Variants in SPATS2L observed in about 807,000 individuals in gnomAD.
SPATS2L encodes spermatogenesis associated serine rich 2 like.
A neutral mutation model predicts 59.6 loss-of-function variants in SPATS2L; 30 were observed. The ratio of observed to expected loss-of-function variants is 0.50; its 90% CI spans 0.38 to 0.68. The LOEUF (loss-of-function observed/expected upper bound fraction) is 0.68, where lower values mean the gene tolerates loss of function less well. SPATS2L is among the 30% of genes least tolerant of loss of function. The pLI is 0.00. For synonymous variants in SPATS2L, 252 were observed against 263.5 expected (o/e 0.96, Z 0.42); for missense variants, 615 against 700.0 (o/e 0.88, Z 1.37).
intron 2 of SPATS2L, among the ~76,000 whole-genome samples, chr2:200,352,313 TTATATATATATATATATATATATA>T (rs869105613): frequency 3.5e-4 from 3 of 8,652 alleles, no homozygotes; most frequent in African/African-American, 4.7e-4. Flanking sequence ...CCAGCAGTTT[TTATATATATATATATATATATATA>T]TATATATATA....
intron 2 of SPATS2L, among the ~76,000 whole-genome samples, chr2:200,367,770 T>C (rs920148377): frequency 6.6e-6 from 1 of 152,220 alleles, no homozygotes; most frequent in Non-Finnish European, 1.5e-5. Context: ...TAAAAGTTAT[T>C]GATCATGTTG....
chr2:200,315,482 C>CT (rs2079340047), intron 1 of SPATS2L, among the ~76,000 whole-genome samples: 2 of 152,244 alleles, frequency 1.3e-5, no homozygotes, highest in South Asian at 2.1e-4. Context: ...AGCTGAAACC[C>CT]TGAGAGCCAG....
chr2:200,314,591 T>C (rs764174233), intron 1 of SPATS2L, among the ~76,000 whole-genome samples: 9 of 152,218 alleles, frequency 5.9e-5, no homozygotes, highest in Non-Finnish European at 1.0e-4. Context: ...TTCTTTGTGA[T>C]CTGGGCCTTC....
chr2:200,461,545 T>G (rs539532300), intron 9 of SPATS2L, among the ~76,000 whole-genome samples: 1 of 152,308 alleles, frequency 6.6e-6, no homozygotes, highest in African/African-American at 2.4e-5. Context: ...GAATTTAGTT[T>G]GCTGTGTTAA....
At chr2:200,454,373 G>C (rs2085687306) in intron 8 of SPATS2L, among the ~76,000 whole-genome samples, 1 of 152,090 alleles carries the variant, frequency 6.6e-6, no homozygotes, top group Admixed American at 6.5e-5. Context: ...ACTCACCCAA[G>C]CTTCCAAATG....
chr2:200,452,368 A>G (rs2085519360), intron 8 of SPATS2L, among the ~76,000 whole-genome samples: 1 of 152,234 alleles, frequency 6.6e-6, no homozygotes, highest in East Asian at 1.9e-4. Context: ...AATTCCAATA[A>G]GAAAAAGAAA....
chr2:200,419,482 T>G lies in SPATS2L; in HGVS notation c.431T>G (p.Leu144Arg). The change falls in exon 6 of 13, where the codon CTT becomes CGT. Residue 144 changes from leucine to arginine, a missense_variant. This residue lies in a region of SPATS2L where 227 missense variants were observed against 257.4 expected (regional missense o/e 0.88). Transcript: ENST00000409140. ...ATACTTGAGGAACCTTCAAAGGCAC[T>G]TCGTGGGGTCACAGGTCAGTAATGC... ...ISILEEPSKA[L>R]RGVTEGNRLL... 3 of 1,613,898 alleles carry G rather than the reference T, an allele frequency of 1.9e-6. No homozygotes were observed. Among genetic ancestry groups the G allele is most frequent in the Non-Finnish European group, 2.5e-6 (3 of 1,179,840 alleles).
chr2:200,334,540 G>T (rs2080072243), intron 2 of SPATS2L, among the ~76,000 whole-genome samples: 2 of 151,584 alleles, frequency 1.3e-5, no homozygotes, highest in Non-Finnish European at 2.9e-5. Context: ...GTCAATTTTG[G>T]CTTTTGTTGC....
chr2:200,478,037 G>A lies in SPATS2L; in HGVS notation c.*6G>A. The A allele has an allele frequency of 6.5e-7, 1 of 1,531,108 alleles. No individual in the cohort carries two copies. The highest frequency in any genetic ancestry group is 8.8e-7 in the Non-Finnish European group (1 of 1,141,136). The allele number at this position is 1,531,108 out of a possible 1,614,324, so 94.8% of individuals were successfully genotyped here. A position where few individuals can be genotyped will look rare whatever the true frequency, so the allele number is the denominator to read the frequency against. On this transcript the variant is annotated 3_prime_UTR_variant, in exon 13 of 13. Transcript: ENST00000409140. ...CTGTGACGTTGGTGGCCTGAGCTAG[G>A]AGGAAAAAGAGCAGTTTTCACTCAG...
intron 9 of SPATS2L, 65 bp from the exon 10 acceptor site, chr2:200,467,225 G>T: frequency 8.8e-7 from 1 of 1,130,166 alleles, no homozygotes; most frequent in Non-Finnish European, 1.3e-6. Context: ...CTGATTCCAA[G>T]AAATTAGGTT....
At chr2:200,328,663 G>A (rs1440599394) in intron 1 of SPATS2L, among the ~76,000 whole-genome samples, 1 of 152,158 alleles carries the variant, frequency 6.6e-6, no homozygotes, top group African/African-American at 2.4e-5. Flanking sequence ...GGACCAGTTA[G>A]CGGAGCATTT....
chr2:200,424,041 C>T (rs762065385), intron 6 of SPATS2L, among the ~76,000 whole-genome samples: 4 of 152,080 alleles, frequency 2.6e-5, no homozygotes, highest in African/African-American at 4.8e-5. Context: ...GTCAGCAGAT[C>T]GTTTAGAAGT....
intron 11 of SPATS2L, 49 bp downstream of exon 11, chr2:200,470,065 C>G: frequency 3.4e-6 from 5 of 1,465,404 alleles, no homozygotes; most frequent in Non-Finnish European, 4.7e-6. Flanking sequence ...AACCTTGGTG[C>G]TATTTGGAGT....
chr2:200,317,664 G>C (rs1365572357), intron 1 of SPATS2L, among the ~76,000 whole-genome samples: 1 of 152,156 alleles, frequency 6.6e-6, no homozygotes, highest in Non-Finnish European at 1.5e-5. Context: ...ATATTCATCT[G>C]AGATTATAGG....
chr2:200,429,630 C>A (rs996072515), intron 6 of SPATS2L, among the ~76,000 whole-genome samples: 1 of 152,156 alleles, frequency 6.6e-6, no homozygotes, highest in African/African-American at 2.4e-5. Flanking sequence ...TGAATGGCTG[C>A]TGGGTTCCTG....
At chr2:200,370,551 T>G (rs1219501534) in intron 2 of SPATS2L, among the ~76,000 whole-genome samples, 1 of 152,226 alleles carries the variant, frequency 6.6e-6, no homozygotes, top group African/African-American at 2.4e-5. Flanking sequence ...TCTTTATCAG[T>G]GACATGAATG....
rs574469731 is a variant in SPATS2L at position 200,357,059 on chromosome 2, A to G, written c.-23+27579A>G. On this transcript the variant is annotated intron_variant, in intron 2 of 12. Transcript: ENST00000409140. ...GATACATTCAAACCATAGCAATGGA[A>G]TTGTTACTTTCAAGGATCTAGATAA... Among the ~76,000 whole-genome samples, 3 of 152,342 alleles carry G rather than the reference A, an allele frequency of 2.0e-5. No homozygotes were observed. The South Asian group carries it at 6.2e-4, about 32-fold the overall frequency.
chr2:200,400,981 C>T (rs1045787928), intron 3 of SPATS2L, among the ~76,000 whole-genome samples: 1 of 152,162 alleles, frequency 6.6e-6, no homozygotes, highest in African/African-American at 2.4e-5. Flanking sequence ...GCCTGCCTCT[C>T]CCCTTAAAAC....
chr2:200,464,266 T>G (rs1260940998), intron 9 of SPATS2L, among the ~76,000 whole-genome samples: 1 of 152,230 alleles, frequency 6.6e-6, no homozygotes, highest in Non-Finnish European at 1.5e-5. Flanking sequence ...GCTTTAGATC[T>G]CAAGTTTTAA....
Sources: gnomAD v4.1 joint callset for allele counts (sites outside exome capture counted in the v4.1 genomes callset) on GRCh38, gnomAD v4.1.1 for gene constraint, gnomAD v4.1.1 regional missense constraint, MANE v1.5 for transcripts, NCBI Gene and HGNC (gene_info 2026-07-23, HGNC 2026-07-21) for gene names.